Variants in PLCL2 observed in about 807,000 individuals in gnomAD.
PLCL2 encodes the protein inactive phospholipase C-like protein 2.
PLCL2 carries 4 observed loss-of-function variants against 79.6 expected under a neutral mutation model. The ratio of observed to expected loss-of-function variants is 0.05; its 90% CI spans 0.02 to 0.11. The LOEUF is 0.11. Among genes scored for constraint, PLCL2 ranks in the 10% least tolerant of loss-of-function variants. The pLI, the probability that PLCL2 is intolerant of heterozygous loss-of-function variation, is 1.00. For missense variants in PLCL2, 895 were observed against 1,291.0 expected (o/e 0.69, Z 4.70); for synonymous variants, 484 against 457.7 (o/e 1.06, Z -0.73).
chr3:16,995,817 C>A (rs1025148548), intron 1 of PLCL2, among the ~76,000 whole-genome samples: 8 of 152,282 alleles, frequency 5.3e-5, no homozygotes, highest in African/African-American at 1.9e-4. Context: ...TTTTTTCAGC[C>A]TGAATTCTGC....
chr3:16,939,655 G>A (rs1697630693), intron 1 of PLCL2, among the ~76,000 whole-genome samples: 1 of 152,134 alleles, frequency 6.6e-6, no homozygotes, highest in South Asian at 2.1e-4. Flanking sequence ...TATAAAGATG[G>A]ATTAAGCCTC....
At chr3:17,088,345 G>A (rs879657430) in intron 5 of PLCL2, among the ~76,000 whole-genome samples, 1 of 152,130 alleles carries the variant, frequency 6.6e-6, no homozygotes, top group African/African-American at 2.4e-5. Context: ...GGGAAAGGCG[G>A]AGGAGGTGTA....
chr3:16,968,759 A>T (rs555002191), intron 1 of PLCL2, among the ~76,000 whole-genome samples: 2 of 151,762 alleles, frequency 1.3e-5, no homozygotes, highest in African/African-American at 4.8e-5. Context: ...GATGCCTTTT[A>T]TTTCTTTCTC....
rs9883237 is a variant in PLCL2, at chr3:16,887,986, G to A, written c.327+2620G>A. On this transcript the variant is annotated intron_variant, in intron 1 of 5. Coordinates refer to ENST00000615277, the MANE Select transcript of PLCL2 (RefSeq NM_001144382.2). This position sits in a 1 kb window ranked among gnomAD's most constrained non-coding sequence, Gnocchi z 4.1. Reference sequence around the variant, plus strand: ...CTTGAGGGAATAGCAGGGAGTGAATGCTACCTGGGGAACTGAGGCCGGTAT... The same window carrying A: ...CTTGAGGGAATAGCAGGGAGTGAATACTACCTGGGGAACTGAGGCCGGTAT... 8.0e-4 allele frequency among the ~76,000 whole-genome samples: 122 copies of A among 152,214 alleles called. No individual in the cohort carries two copies. The highest frequency in any genetic ancestry group is 2.8e-3 in the African/African-American group (117 of 41,516).
intron 4 of PLCL2, among the ~76,000 whole-genome samples, chr3:17,059,575 CATATATAG>C (rs1018971768): frequency 9.2e-5 from 14 of 151,548 alleles, no homozygotes; most frequent in Non-Finnish European, 7.4e-5. Context: ...ATCTTACATG[CATATATAG>C]ATATATAGAT....
chr3:17,010,950 TGAA>T lies in PLCL2; in HGVS notation c.1608_1610del (p.Lys537del). The T allele has an allele frequency of 6.2e-7, 1 of 1,614,082 alleles. No individual in the cohort carries two copies. Among genetic ancestry groups the T allele is most frequent in the Non-Finnish European group, 8.5e-7 (1 of 1,180,000 alleles). On this transcript the variant is annotated inframe_deletion, in exon 2 of 6. Transcript: ENST00000615277. The surrounding 1 kb of genome is among the most constrained non-coding windows in gnomAD (Gnocchi z 5.8). ...CAACAGAAGGTAATGGTTCAGCACA[TGAA>T]GAAACTTTTAGGAGACAAGCTCTAT...
chr3:17,003,256 A>T (rs2064227905), intron 1 of PLCL2, among the ~76,000 whole-genome samples: 1 of 152,212 alleles, frequency 6.6e-6, no homozygotes, highest in Non-Finnish European at 1.5e-5. Context: ...AAATGGGCAT[A>T]TCTCTTCTTC....
At position 16,887,733 on chromosome 3, in the gene PLCL2, A is replaced by G. The variant is rs1696257200; in HGVS notation, c.327+2367A>G. On this transcript the variant is annotated intron_variant, in intron 1 of 5. Transcript: ENST00000615277. The surrounding 1 kb of genome is among the most constrained non-coding windows in gnomAD (Gnocchi z 4.1). ...AAGTCTTTAACATCAAATTTCATAA[A>G]GCAACAAATACTGCACAGATAGTTT... is the stretch of plus-strand genomic sequence containing the variant. 1.3e-5 allele frequency among the ~76,000 whole-genome samples: 2 copies of G among 152,238 alleles called. No homozygotes were observed. The highest frequency in any genetic ancestry group is 6.5e-5 in the Admixed American group (1 of 15,282).
At chr3:17,002,808 A>G (rs2064224037) in intron 1 of PLCL2, among the ~76,000 whole-genome samples, 1 of 151,448 alleles carries the variant, frequency 6.6e-6, no homozygotes, top group Admixed American at 6.6e-5. Context: ...GTTTCCTTGT[A>G]TTTTCATTTG....
rs2064298150 is a variant in PLCL2 at position 17,009,549 on chromosome 3, G to T, written c.328-125G>T. On this transcript the variant is annotated intron_variant, in intron 1 of 5. Transcript: ENST00000615277. The surrounding 1 kb of genome is among the most constrained non-coding windows in gnomAD (Gnocchi z 4.0). ...AGATGAATGAGTATCATTCATCACA[G>T]GAATCTAGAATAGGAAATCTTAATA... 1 of 575,552 alleles carries T rather than the reference G, an allele frequency of 1.7e-6. No individual in the cohort carries two copies. The highest frequency in any genetic ancestry group is 3.1e-5 in the Admixed American group (1 of 32,554). The allele number at this position is 575,552 out of a possible 1,614,324, so 35.7% of individuals were successfully genotyped here.
At chr3:16,937,502 A>G (rs1270040716) in intron 1 of PLCL2, among the ~76,000 whole-genome samples, 1 of 152,204 alleles carries the variant, frequency 6.6e-6, no homozygotes, top group South Asian at 2.1e-4. Context: ...TGCTAATAGC[A>G]TAAATCAAAG....
rs530805746 is a variant in PLCL2, at chr3:17,075,129, G to C, written c.3204+7064G>C. On this transcript the variant is annotated intron_variant, in intron 5 of 5. Coordinates refer to ENST00000615277, the MANE Select transcript of PLCL2 (RefSeq NM_001144382.2). ...TCCTCAGTAAGCTTCATTATTTCTA[G>C]TTTTTTATTTCAAGTGCAACTCTTC... Among the ~76,000 whole-genome samples the C allele has an allele frequency of 3.5e-3, 534 of 152,250 alleles. 1 individual carries two copies. The highest frequency in any genetic ancestry group is 6.8e-3 in the Middle Eastern group (2 of 294).
Position 17,011,233 on chromosome 3 carries a change from G to T in PLCL2, c.1887G>T (p.Gln629His). Residue 629 changes from glutamine to histidine, a missense_variant, in exon 2 of 6, where the codon CAG becomes CAT. Physicochemically the swap from Gln to His is conservative, Grantham distance 24. Coordinates refer to ENST00000615277, the MANE Select transcript of PLCL2 (RefSeq NM_001144382.2). This position sits in a 1 kb window ranked among gnomAD's most constrained non-coding sequence, Gnocchi z 7.9. ...TGGTCAGCATCTGCAAATCAGTTCA[G>T]TTCAAAGAATTTCAGGTGTCGTTTC... ...SELVSICKSV[Q>H]FKEFQVSFQV... The T allele has an allele frequency of 6.2e-7, 1 of 1,614,232 alleles. No homozygotes were observed. Among genetic ancestry groups the T allele is most frequent in the Admixed American group, 1.7e-5 (1 of 60,028 alleles).
rs9854926 is a variant in PLCL2 at position 17,035,744 on chromosome 3, C to T, written c.3019-7130C>T. On this transcript the variant is annotated intron_variant, in intron 3 of 5. Transcript: ENST00000615277. ...CTTATCCAATCTGGCCCTCACTCCT[C>T]TTCTATCCATGTTTCCTTACATTCT... is the stretch of plus-strand genomic sequence containing the variant. 2,650 of 515,860 alleles carry T rather than the reference C, an allele frequency of 5.1e-3. 65 individuals are homozygous for T. The highest frequency in any genetic ancestry group is 0.047 in the African/African-American group (2,422 of 51,912). 32.0% of individuals were successfully genotyped at this position (515,860 alleles called of 1,614,324 possible).
At chr3:17,085,161 G>T (rs1462225664) in intron 5 of PLCL2, among the ~76,000 whole-genome samples, 2 of 151,940 alleles carry the variant, frequency 1.3e-5, no homozygotes, top group East Asian at 1.9e-4. Context: ...TTGAGACAGG[G>T]TCTCACTCTG....
chr3:16,911,070 T>A (rs1009259258), intron 1 of PLCL2, among the ~76,000 whole-genome samples: 1 of 152,060 alleles, frequency 6.6e-6, no homozygotes. Context: ...CTGGCCAACA[T>A]GGTGAAACCC....
intron 5 of PLCL2, among the ~76,000 whole-genome samples, chr3:17,068,527 A>G (rs2065031890): frequency 6.6e-6 from 1 of 152,262 alleles, no homozygotes; most frequent in African/African-American, 2.4e-5. Flanking sequence ...CAAAGGAAAT[A>G]CATAAAAGAA....
intron 3 of PLCL2, among the ~76,000 whole-genome samples, chr3:17,032,770 G>A (rs1368429783): frequency 6.6e-6 from 1 of 152,126 alleles, no homozygotes; most frequent in African/African-American, 2.4e-5. Flanking sequence ...ATGTTATGCT[G>A]TATCCAAATG....
chr3:17,045,023 C>T (rs944978677), intron 4 of PLCL2, among the ~76,000 whole-genome samples: 14 of 152,154 alleles, frequency 9.2e-5, no homozygotes, highest in Non-Finnish European at 1.2e-4. Context: ...TACTGATGAA[C>T]GCCTACACAG....
Sources: gnomAD v4.1 joint callset for allele counts (sites outside exome capture counted in the v4.1 genomes callset) on GRCh38, gnomAD v4.1.1 for gene constraint, Gnocchi (gnomAD v3.1) non-coding constraint, MANE v1.5 for transcripts, NCBI Gene and HGNC (gene_info 2026-07-23, HGNC 2026-07-21) for gene names.